The following FOCAD variants were observed in gnomAD, a reference collection of about 807,000 sequenced individuals.
FOCAD encodes the protein focadhesin.
In FOCAD, 198 loss-of-function variants were observed where a neutral mutation model predicts 225.6. That is an observed-to-expected ratio of 0.88 (90% confidence interval 0.78 to 0.99). The LOEUF (loss-of-function observed/expected upper bound fraction) is 0.99. Ranked by LOEUF, FOCAD falls within the 50% of genes least tolerant of loss-of-function variation. The probability of loss-of-function intolerance (pLI) is 0.00; values close to 1 mark genes in which losing one functional copy is unlikely to be tolerated. For missense variants in FOCAD, 2,713 were observed against 2,123.6 expected, an observed-to-expected ratio of 1.28 and a Z score of -5.46; for synonymous variants, 897 against 755.0, an observed-to-expected ratio of 1.19 and a Z score of -3.08.
chr9:20,931,147 C>T (rs1385147515), intron 27 of FOCAD, among the ~76,000 whole-genome samples: 1 of 152,156 alleles, frequency 6.6e-6, no homozygotes, highest in Non-Finnish European at 1.5e-5. Context: ...AATCATGCTG[C>T]CTGGAGAAAC....
intron 35 of FOCAD, among the ~76,000 whole-genome samples, chr9:20,971,267 C>T (rs1419799169): frequency 6.6e-6 from 1 of 152,130 alleles, no homozygotes; most frequent in Admixed American, 6.5e-5. Context: ...ATATACACAC[C>T]TACTCTGTAA....
chr9:20,830,976 G>A (rs929791536), intron 15 of FOCAD, among the ~76,000 whole-genome samples: 17 of 152,118 alleles, frequency 1.1e-4, no homozygotes, highest in African/African-American at 3.6e-4. Context: ...CTCATGCCTG[G>A]CCTATGACTA....
At chr9:20,789,828 C>G (rs1472116410) in intron 11 of FOCAD, among the ~76,000 whole-genome samples, 1 of 151,618 alleles carries the variant, frequency 6.6e-6, no homozygotes, top group Non-Finnish European at 1.5e-5. Context: ...TGAAAGCACA[C>G]TTCACAACGA....
chr9:20,761,243 G>A (rs796903572), intron 6 of FOCAD, among the ~76,000 whole-genome samples: 14 of 152,210 alleles, frequency 9.2e-5, no homozygotes, highest in African/African-American at 3.4e-4. Context: ...TTCAGGAACT[G>A]AGAATTTGAG....
intron 1 of FOCAD, among the ~76,000 whole-genome samples, chr9:20,706,055 C>T (rs960437409): frequency 6.6e-6 from 1 of 151,194 alleles, no homozygotes; most frequent in African/African-American, 2.4e-5. Context: ...CCACCTCAGC[C>T]TCCCAAGTAG....
At chr9:20,779,948 A>C (rs12236027) in intron 9 of FOCAD, among the ~76,000 whole-genome samples, 19,339 of 152,062 alleles carry the variant, frequency 0.13, 1,568 homozygotes, top group East Asian at 0.28. Context: ...ATGTTCGCTT[A>C]TACCTTCCCT....
intron 1 of FOCAD, among the ~76,000 whole-genome samples, chr9:20,712,798 C>T (rs1824970593): frequency 7.4e-6 from 1 of 135,098 alleles, no homozygotes; most frequent in Non-Finnish European, 1.5e-5. Context: ...AGTGGCACAA[C>T]CTCGGCTTAT....
chr9:20,703,809 T>G (rs961659318), intron 1 of FOCAD, among the ~76,000 whole-genome samples: 1 of 152,198 alleles, frequency 6.6e-6, no homozygotes, highest in Non-Finnish European at 1.5e-5. Context: ...CAAGACTCTC[T>G]TGGCTTTAAG....
chr9:20,947,357 A>C (rs1837278835), intron 30 of FOCAD, among the ~76,000 whole-genome samples: 1 of 152,228 alleles, frequency 6.6e-6, no homozygotes, highest in Non-Finnish European at 1.5e-5. Context: ...AACACGGATG[A>C]ACCTTGAAGG....
At chr9:20,774,304 G>C (rs564279205) in intron 8 of FOCAD, among the ~76,000 whole-genome samples, 1 of 152,176 alleles carries the variant, frequency 6.6e-6, no homozygotes, top group South Asian at 2.1e-4. Flanking sequence ...GACTACAGGG[G>C]ATGGTGTGTT....
intron 11 of FOCAD, among the ~76,000 whole-genome samples, chr9:20,790,698 GA>G (rs1371918342): frequency 2.6e-5 from 4 of 152,154 alleles, no homozygotes; most frequent in Non-Finnish European, 4.4e-5. Context: ...TTGAACCCAG[GA>G]GGTGGAGGTT....
intron 29 of FOCAD, among the ~76,000 whole-genome samples, chr9:20,946,500 G>C (rs994263575): frequency 6.6e-6 from 1 of 152,068 alleles, no homozygotes; most frequent in Non-Finnish European, 1.5e-5. Context: ...CTATAAAGTA[G>C]GAATAATCAT....
intron 15 of FOCAD, among the ~76,000 whole-genome samples, chr9:20,861,895 A>T (rs902148396): frequency 3.3e-5 from 5 of 152,122 alleles, no homozygotes; most frequent in African/African-American, 1.2e-4. Context: ...ATATTTGACT[A>T]CCCATAAAAC....
intron 11 of FOCAD, among the ~76,000 whole-genome samples, chr9:20,799,699 G>A (rs1423251815): frequency 2.0e-5 from 3 of 151,934 alleles, no homozygotes; most frequent in Non-Finnish European, 2.9e-5. Flanking sequence ...CCATTTGCTT[G>A]GTAGATCTTC....
chr9:20,793,038 G>A (rs1489933949), intron 11 of FOCAD, among the ~76,000 whole-genome samples: 1 of 152,154 alleles, frequency 6.6e-6, no homozygotes, highest in African/African-American at 2.4e-5. Context: ...CTGTTCTGTT[G>A]TTACCGAATT....
intron 2 of FOCAD, among the ~76,000 whole-genome samples, chr9:20,665,908 T>C (rs1329283123): frequency 6.6e-6 from 1 of 151,690 alleles, no homozygotes; most frequent in Non-Finnish European, 1.5e-5. Flanking sequence ...TATATATATA[T>C]ATTTTAGACG....
rs549480194 is a variant in FOCAD at position 20,659,300 on chromosome 9, C to T, written c.-78+474C>T. 3.4e-5 allele frequency among the ~76,000 whole-genome samples: 5 copies of T among 145,256 alleles called. No homozygotes were observed. The East Asian group carries it at 6.2e-4, about 18-fold the overall frequency. On this transcript the variant is annotated intron_variant, in intron 2 of 45. Coordinates refer to the FOCAD transcript ENST00000380249. Reference sequence around the variant, plus strand: ...TGTGTGCCTGTAGTTCCAGCTAATTCGGAGGCTGAGGCATGAGAATCGCCT... The same window carrying T: ...TGTGTGCCTGTAGTTCCAGCTAATTTGGAGGCTGAGGCATGAGAATCGCCT...
chr9:20,716,287 C>A, intron 2 of FOCAD: 1 of 274,622 alleles, frequency 3.6e-6, no homozygotes, highest in Non-Finnish European at 8.7e-6. Context: ...TCTTTGTTAA[C>A]ATAGATAATC....
intron 28 of FOCAD, among the ~76,000 whole-genome samples, chr9:20,934,606 G>A (rs929638196): frequency 2.0e-5 from 3 of 151,836 alleles, no homozygotes; most frequent in African/African-American, 7.3e-5. Flanking sequence ...TATGTGCCTA[G>A]TTTTATACCA....
Sources: allele counts gnomAD v4.1 joint callset (sites outside exome capture counted in the v4.1 genomes callset), GRCh38; gene constraint gnomAD v4.1.1; transcripts MANE v1.5; gene names NCBI Gene and HGNC (gene_info 2026-07-23, HGNC 2026-07-21).